PCBP3: variants seen among roughly 807,000 people sequenced by gnomAD.
PCBP3 encodes the protein poly(rC) binding protein 3, also known as poly(rC)-binding protein 3.
PCBP3 carries 25 observed loss-of-function variants against 52.7 expected under a neutral mutation model. The observed-to-expected ratio is 0.47, with a 90% CI of 0.35 to 0.66. The LOEUF (loss-of-function observed/expected upper bound fraction) is 0.66. PCBP3 is among the 30% of genes least tolerant of loss of function. The pLI, the probability that PCBP3 is intolerant of heterozygous loss-of-function variation, is 0.01. For synonymous variants in PCBP3, 162 were observed against 183.0 expected, an observed-to-expected ratio of 0.89 and a Z score of 0.93; for missense variants, 391 against 490.3, an observed-to-expected ratio of 0.80 and a Z score of 1.91.
rs1399938967 is a variant in PCBP3 at position 45,724,743 on chromosome 21, G to GC, written c.-199-10642dup. The stretch of plus-strand genomic sequence containing the variant: ...CAGCTGGAGTGGCACTCTGTAACCC[G>GC]CCCCCCCTCAGCTGGAGTGGCACTC... On this transcript the variant is annotated intron_variant, in intron 2 of 17. Coordinates refer to ENST00000681687, the MANE Select transcript of PCBP3 (RefSeq NM_001384156.1). This position sits in a 1 kb window ranked among gnomAD's most constrained non-coding sequence, Gnocchi z 5.3. 4.6e-5 allele frequency among the ~76,000 whole-genome samples: 7 copies of GC among 151,324 alleles called. No individual in the cohort carries two copies. The highest frequency in any genetic ancestry group is 2.1e-4 in the South Asian group (1 of 4,756).
rs191184459 is a variant in PCBP3 at position 45,888,109 on chromosome 21, G to A, written c.11-8099G>A. Reference sequence around the variant, plus strand: ...CTGGGTACCTGTCCTGGCCGTGTACGAATCCCAGGGAGGCCGCACAGGGCA... The same window carrying A: ...CTGGGTACCTGTCCTGGCCGTGTACAAATCCCAGGGAGGCCGCACAGGGCA... On this transcript the variant is annotated intron_variant, in intron 5 of 17. Transcript: ENST00000681687. 3.0e-3 allele frequency among the ~76,000 whole-genome samples: 458 copies of A among 152,326 alleles called. 1 individual carries two copies. Among genetic ancestry groups the A allele is most frequent in the African/African-American group, 0.01 (422 of 41,584 alleles).
intron 5 of PCBP3, 130 bp downstream of exon 5, chr21:45,850,225 A>G: frequency 1.3e-6 from 1 of 782,200 alleles, no homozygotes; most frequent in South Asian, 1.5e-5. Context: ...GCTTCAGTCC[A>G]CAATGTGCCC....
rs374275789 is a variant in PCBP3 at position 45,762,491 on chromosome 21, C to CTTTTTTTTTTTTTTTTTTTTTTTTTT, written c.-126+7055_-126+7056insTTTTTTTTTTTTTTTTTTTTTTTTTT. On this transcript the variant is annotated intron_variant, in intron 4 of 17. Transcript: ENST00000681687. ...TCACCTTTTTCTTTTCTTTTCTTCT[C>CTTTTTTTTTTTTTTTTTTTTTTTTTT]TTTTTTTTTTTTTTTTGAGACAGAG... 9.6e-5 allele frequency: 10 copies of CTTTTTTTTTTTTTTTTTTTTTTTTTT among 104,664 alleles called. 1 individual carries two copies. Among genetic ancestry groups the CTTTTTTTTTTTTTTTTTTTTTTTTTT allele is most frequent in the Non-Finnish European group, 1.5e-4 (8 of 53,022 alleles). 6.5% of individuals were successfully genotyped at this position (104,664 alleles called of 1,614,324 possible).
At chr21:45,913,628 T>C (rs2096446846) in intron 11 of PCBP3, among the ~76,000 whole-genome samples, 3 of 152,320 alleles carry the variant, frequency 2.0e-5, no homozygotes, top group South Asian at 4.1e-4. Flanking sequence ...ACAATGGGAC[T>C]GACTCTCCGC....
intron 4 of PCBP3, among the ~76,000 whole-genome samples, chr21:45,786,566 T>C (rs1201693419): frequency 1.3e-5 from 2 of 152,184 alleles, no homozygotes; most frequent in Admixed American, 1.3e-4. Flanking sequence ...GCTGGGATTA[T>C]AGGTGTGAGG....
At chr21:45,697,674 G>A (rs988695095) in intron 2 of PCBP3, among the ~76,000 whole-genome samples, 5 of 151,686 alleles carry the variant, frequency 3.3e-5, no homozygotes, top group South Asian at 2.1e-4. Flanking sequence ...GAGCCTGGCC[G>A]GTGAAGGCTG....
In PCBP3 at chr21:45,714,053, G is replaced by T. The variant is rs9979257; in HGVS notation, c.-199-21339G>T. 5.7e-3 allele frequency among the ~76,000 whole-genome samples: 869 copies of T among 152,106 alleles called. 8 individuals carry two copies. The highest frequency in any genetic ancestry group is 0.02 in the African/African-American group (826 of 41,492). On this transcript the variant is annotated intron_variant, in intron 2 of 17. Coordinates refer to ENST00000681687, the MANE Select transcript of PCBP3 (RefSeq NM_001384156.1). The stretch of plus-strand genomic sequence containing the variant: ...CCTCTTGTTTTGTCTTTCCTCTAAG[G>T]GCTAGTAGTTCCCACACACTCTTCT...
intron 4 of PCBP3, chr21:45,828,425 G>C (rs1027395949): frequency 6.6e-6 from 1 of 152,160 alleles, no homozygotes; most frequent in African/African-American, 2.4e-5. Context: ...GCTGCCCACT[G>C]CCCTCCCACC....
rs78589569 is a variant in PCBP3 at position 45,765,265 on chromosome 21, G to A, written c.-126+9813G>A. On this transcript the variant is annotated intron_variant, in intron 4 of 17. Coordinates refer to ENST00000681687, the MANE Select transcript of PCBP3 (RefSeq NM_001384156.1). ...CAGGATATCTGTGCTGAGAGGAGAG[G>A]GTGGCCAGGCTGGGGCCTGGGAAAC... Among the ~76,000 whole-genome samples the A allele has an allele frequency of 5.7e-3, 866 of 152,226 alleles. 7 individuals carry two copies. The highest frequency in any genetic ancestry group is 0.019 in the African/African-American group (809 of 41,526).
At chr21:45,733,525 T>A (rs1264692235) in intron 2 of PCBP3, among the ~76,000 whole-genome samples, 2 of 152,116 alleles carry the variant, frequency 1.3e-5, no homozygotes, top group Admixed American at 6.5e-5. Flanking sequence ...TCTCCTGACC[T>A]CATGATCTGC....
At chr21:45,695,187 G>C (rs2082696055) in intron 2 of PCBP3, among the ~76,000 whole-genome samples, 1 of 152,172 alleles carries the variant, frequency 6.6e-6, no homozygotes, top group Non-Finnish European at 1.5e-5. Flanking sequence ...CTTAACTCCT[G>C]ATCCCACCTG....
chr21:45,779,300 G>T (rs996857800), intron 4 of PCBP3, among the ~76,000 whole-genome samples: 6 of 152,144 alleles, frequency 3.9e-5, no homozygotes, highest in Non-Finnish European at 8.8e-5. Flanking sequence ...AGGGTTGAGG[G>T]AGTCTCCCAT....
chr21:45,844,172 G>T (rs2093756404), intron 4 of PCBP3, among the ~76,000 whole-genome samples: 1 of 151,912 alleles, frequency 6.6e-6, no homozygotes, highest in Non-Finnish European at 1.5e-5. Flanking sequence ...TTTTCATTGG[G>T]CTGGTCTGTC....
intron 4 of PCBP3, among the ~76,000 whole-genome samples, chr21:45,818,312 C>T (rs539996160): frequency 5.3e-5 from 8 of 152,276 alleles, no homozygotes; most frequent in East Asian, 1.9e-4. Context: ...TGAGCCACCG[C>T]GCCGGCCTGG....
At chr21:45,684,174 G>A in intron 2 of PCBP3, among the ~76,000 whole-genome samples, 1 of 152,082 alleles carries the variant, frequency 6.6e-6, no homozygotes, top group Non-Finnish European at 1.5e-5. Flanking sequence ...GCAGCCATGA[G>A]CTATGATCAC....
At chr21:45,841,607 G>C (rs963546605) in intron 4 of PCBP3, among the ~76,000 whole-genome samples, 7 of 151,924 alleles carry the variant, frequency 4.6e-5, no homozygotes, top group Non-Finnish European at 8.8e-5. Context: ...TAGTTTTTTG[G>C]TATATTTTCA....
chr21:45,699,839 A>G (rs2147944861), intron 2 of PCBP3, among the ~76,000 whole-genome samples: 1 of 152,306 alleles, frequency 6.6e-6, no homozygotes, highest in Non-Finnish European at 1.5e-5. Flanking sequence ...GGTCCCTCCC[A>G]CAACATGTGG....
At chr21:45,679,752 T>C (rs2081716972) in intron 2 of PCBP3, among the ~76,000 whole-genome samples, 1 of 152,224 alleles carries the variant, frequency 6.6e-6, no homozygotes, top group Admixed American at 6.5e-5. Context: ...TATCAGTTCT[T>C]ACGAATCATG....
chr21:45,894,431 G>T (rs150607941), intron 5 of PCBP3, among the ~76,000 whole-genome samples: 1 of 152,088 alleles, frequency 6.6e-6, no homozygotes, highest in African/African-American at 2.4e-5. Context: ...CCATGTGTGC[G>T]GGTCCGTCGG....
Sources: gnomAD v4.1 joint callset for allele counts (sites outside exome capture counted in the v4.1 genomes callset) on GRCh38, gnomAD v4.1.1 for gene constraint, Gnocchi (gnomAD v3.1) non-coding constraint, MANE v1.5 for transcripts, NCBI Gene and HGNC (gene_info 2026-07-23, HGNC 2026-07-21) for gene names.